Variants in MACROD2 observed in about 807,000 individuals in gnomAD.
MACROD2 encodes mono-ADP ribosylhydrolase 2, also known as ADP-ribose glycohydrolase MACROD2.
Under a neutral mutation model 70.4 loss-of-function variants are expected in MACROD2, and 36 were observed. The observed-to-expected ratio is 0.51, with a 90% CI of 0.39 to 0.68. The LOEUF (loss-of-function observed/expected upper bound fraction) is 0.68. MACROD2 is among the 30% of genes least tolerant of loss of function. MACROD2 has a pLI of 0.00. For missense variants in MACROD2, 496 were observed against 538.4 expected (o/e 0.92, Z 0.78); for synonymous variants, 172 against 178.8 (o/e 0.96, Z 0.30).
chr20:15,166,923 A>G (rs1316804383), intron 5 of MACROD2, among the ~76,000 whole-genome samples: 2 of 148,918 alleles, frequency 1.3e-5, no homozygotes, highest in African/African-American at 4.9e-5. Flanking sequence ...TAATTTAAGT[A>G]TTAAATTTAA....
At chr20:14,772,591 T>C (rs1159724719) in intron 5 of MACROD2, among the ~76,000 whole-genome samples, 1 of 151,982 alleles carries the variant, frequency 6.6e-6, no homozygotes, top group African/African-American at 2.4e-5. Flanking sequence ...CGTGATTCAG[T>C]CATCTTCCAC....
At chr20:14,149,191 TG>T (rs2054982322) in intron 3 of MACROD2, among the ~76,000 whole-genome samples, 1 of 104,080 alleles carries the variant, frequency 9.6e-6, no homozygotes, top group African/African-American at 2.7e-5. Context: ...AAGTACCCAA[TG>T]TTTTTTTTTT....
At chr20:14,773,610 AG>A (rs149182546) in intron 5 of MACROD2, among the ~76,000 whole-genome samples, 4,480 of 152,180 alleles carry the variant, frequency 0.029, 187 homozygotes, top group East Asian at 0.11. Context: ...AAATGGATAT[AG>A]AAAATAGGAT....
intron 1 of MACROD2, chr20:13,996,321 A>G (rs887919321): frequency 5.9e-6 from 1 of 168,976 alleles, no homozygotes; most frequent in Non-Finnish European, 1.2e-5. Flanking sequence ...CGTACCCACC[A>G]TCGGGTGTTT....
intron 8 of MACROD2, among the ~76,000 whole-genome samples, chr20:15,537,496 G>T: frequency 7.3e-6 from 1 of 137,580 alleles, no homozygotes; most frequent in Non-Finnish European, 1.6e-5. Flanking sequence ...TTTTTTGAGA[G>T]GGAGTGTCAC....
chr20:14,665,518 T>C (rs375232498), intron 4 of MACROD2, among the ~76,000 whole-genome samples: 195 of 152,094 alleles, frequency 1.3e-3, no homozygotes, highest in African/African-American at 4.3e-3. Context: ...CTGTTTCCAA[T>C]TGGTTGTATT....
At chr20:14,547,963 G>A (rs1054583116) in intron 4 of MACROD2, among the ~76,000 whole-genome samples, 8 of 152,234 alleles carry the variant, frequency 5.3e-5, no homozygotes, top group African/African-American at 1.7e-4. Flanking sequence ...TCCTCCTGAG[G>A]GATAGAGTAG....
intron 5 of MACROD2, among the ~76,000 whole-genome samples, chr20:14,769,183 G>A (rs1359791209): frequency 1.3e-5 from 2 of 151,960 alleles, no homozygotes; most frequent in Non-Finnish European, 2.9e-5. Context: ...TCTACCCCAG[G>A]GTAGTCATCC....
intron 5 of MACROD2, among the ~76,000 whole-genome samples, chr20:14,967,035 C>T (rs1380428539): frequency 4.0e-5 from 6 of 151,628 alleles, no homozygotes; most frequent in Non-Finnish European, 8.8e-5. Flanking sequence ...TGGGTGTGTA[C>T]TGATATTTCA....
intron 5 of MACROD2, among the ~76,000 whole-genome samples, chr20:15,144,637 T>G (rs2076217382): frequency 6.6e-6 from 1 of 152,098 alleles, no homozygotes; most frequent in African/African-American, 2.4e-5. Flanking sequence ...TAATTCAACT[T>G]TGCACTCTTT....
At chr20:15,874,471 A>G (rs2147187715) in intron 9 of MACROD2, among the ~76,000 whole-genome samples, 1 of 152,144 alleles carries the variant, frequency 6.6e-6, no homozygotes, top group Non-Finnish European at 1.5e-5. Context: ...CTAGTTCTAG[A>G]TCCTTGAGGA....
intron 4 of MACROD2, among the ~76,000 whole-genome samples, chr20:14,656,530 G>A (rs1985986889): frequency 6.6e-6 from 1 of 152,130 alleles, no homozygotes; most frequent in African/African-American, 2.4e-5. Flanking sequence ...AGGTTAGCTG[G>A]TTTATTTCTA....
intron 5 of MACROD2, among the ~76,000 whole-genome samples, chr20:14,704,735 A>G (rs372321079): frequency 6.6e-6 from 1 of 152,182 alleles, no homozygotes; most frequent in Non-Finnish European, 1.5e-5. Flanking sequence ...ACACAAGCTC[A>G]TGGAGCTGCA....
At chr20:15,960,412 C>G (rs1375699811) in intron 12 of MACROD2, among the ~76,000 whole-genome samples, 5 of 152,196 alleles carry the variant, frequency 3.3e-5, no homozygotes, top group Non-Finnish European at 7.3e-5. Context: ...TGAGCATTCT[C>G]ATATTTGCTA....
intron 8 of MACROD2, among the ~76,000 whole-genome samples, chr20:15,829,218 G>A (rs2064028850): frequency 6.6e-6 from 1 of 152,018 alleles, no homozygotes; most frequent in Non-Finnish European, 1.5e-5. Context: ...TATGCTGCTT[G>A]AAGCTATTGC....
In MACROD2 at chr20:14,991,986, A is replaced by G. The variant is rs556129707; in HGVS notation, c.419-237954A>G. Among the ~76,000 whole-genome samples, 6 of 152,306 alleles carry G rather than the reference A, an allele frequency of 3.9e-5. No individual in the cohort carries two copies. The East Asian group carries it at 1.2e-3, about 29-fold the overall frequency. On this transcript the variant is annotated intron_variant, in intron 5 of 17. Transcript: ENST00000684519. ...TTTATTGATCTCCTACTCAGTATTA[A>G]GCACTTGTCATATTGAGTGGGTGGT...
rs530947488 is a variant in MACROD2 at position 15,565,718 on chromosome 20, C to CA, written c.645+65873dup. On this transcript the variant is annotated intron_variant, in intron 8 of 17. Transcript: ENST00000684519. Reference sequence around the variant, plus strand: ...GCAGCCTCAAATTCCTGGGCTCAAGCAATCCTCCTGCCTCAGCCTCCCACG... The same window carrying CA: ...GCAGCCTCAAATTCCTGGGCTCAAGCAAATCCTCCTGCCTCAGCCTCCCACG... Among the ~76,000 whole-genome samples, 300 of 152,250 alleles carry CA rather than the reference C, an allele frequency of 2.0e-3. 1 individual carries two copies. The highest frequency in any genetic ancestry group is 3.0e-3 in the Non-Finnish European group (204 of 68,006).
At chr20:14,178,671 C>G (rs749593838) in intron 3 of MACROD2, among the ~76,000 whole-genome samples, 2 of 146,974 alleles carry the variant, frequency 1.4e-5, no homozygotes, top group Non-Finnish European at 3.0e-5. Context: ...CTCTTAGAAT[C>G]ATAGTAATAT....
intron 6 of MACROD2, among the ~76,000 whole-genome samples, chr20:15,283,199 G>A (rs928136093): frequency 6.6e-6 from 1 of 152,068 alleles, no homozygotes; most frequent in African/African-American, 2.4e-5. Context: ...ATTTGGGTGG[G>A]GACACAGAGC....
Sources: gnomAD v4.1 joint callset for allele counts (sites outside exome capture counted in the v4.1 genomes callset) on GRCh38, gnomAD v4.1.1 for gene constraint, MANE v1.5 for transcripts, NCBI Gene and HGNC (gene_info 2026-07-23, HGNC 2026-07-21) for gene names.